Variants in DCT observed in about 807,000 individuals in gnomAD.
DCT encodes the protein L-dopachrome tautomerase.
In DCT, 47 loss-of-function variants were observed where a neutral mutation model predicts 53.0. That is an observed-to-expected ratio of 0.89 (90% CI 0.70 to 1.13). The LOEUF (loss-of-function observed/expected upper bound fraction) is 1.13. Among genes scored for constraint, DCT ranks in the 50% most tolerant of loss-of-function variants. DCT has a pLI of 0.00. For synonymous variants in DCT, 244 were observed against 237.0 expected, an observed-to-expected ratio of 1.03 and a Z score of -0.27; for missense variants, 669 against 637.4, an observed-to-expected ratio of 1.05 and a Z score of -0.53.
At chr13:94,469,591 T>C (rs1209925234) in intron 1 of DCT, among the ~76,000 whole-genome samples, 1 of 152,064 alleles carries the variant, frequency 6.6e-6, no homozygotes, top group Non-Finnish European at 1.5e-5. Context: ...TGAATTTCAG[T>C]GTTTAAGCTG....
In DCT at chr13:94,443,429, T is replaced by C; in HGVS notation, c.1381+7A>G. 4 of 1,605,240 alleles carry C rather than the reference T, an allele frequency of 2.5e-6. No individual in the cohort carries two copies. Among genetic ancestry groups the C allele is most frequent in the Non-Finnish European group, 3.4e-6 (4 of 1,171,974 alleles). On this transcript the variant is annotated splice_region_variant and intron_variant, in intron 7 of 7. Coordinates refer to ENST00000377028, the MANE Select transcript of DCT (RefSeq NM_001922.5). ...TGAATCACCCATTTGGAAGTTGTGT[T>C]AGTTACCTGGCAGATCGATGGCATA...
chr13:94,482,888 C>T (rs1372267100), upstream of DCT, among the ~76,000 whole-genome samples: 8 of 152,282 alleles, frequency 5.3e-5, no homozygotes, highest in Admixed American at 3.3e-4. Context: ...CCATGAACTC[C>T]CCCCTCAGTA....
Position 94,460,423 on chromosome 13 carries a change from C to T in DCT, c.1044-197G>A, listed in dbSNP as rs182410812. Among the ~76,000 whole-genome samples, 124 of 152,308 alleles carry T rather than the reference C, an allele frequency of 8.1e-4. 1 individual carries two copies. Among genetic ancestry groups the T allele is most frequent in the African/African-American group, 2.4e-3 (101 of 41,564 alleles). ...GTAAGGGGAGAGAACTCCTAAGCAA[C>T]GCTATTTCTGAATTATATCTCTTTT... On this transcript the variant is annotated intron_variant, in intron 5 of 7. Transcript: ENST00000377028.
At chr13:94,543,629 C>T in the DCT span, among the ~76,000 whole-genome samples, 11 of 152,210 alleles carry the variant, frequency 7.2e-5, no homozygotes, top group South Asian at 4.1e-4. Flanking sequence ...TTACCCTTAG[C>T]TTCTTTCCTC....
At chr13:94,523,712 C>A in the DCT span, among the ~76,000 whole-genome samples, 1 of 152,162 alleles carries the variant, frequency 6.6e-6, no homozygotes, top group African/African-American at 2.4e-5. Context: ...TGATCAGAGA[C>A]ACTTTTGCCC....
At chr13:94,547,982 AAAATAT>A in the DCT span, among the ~76,000 whole-genome samples, 132 of 84,816 alleles carry the variant, frequency 1.6e-3, no homozygotes, top group African/African-American at 0.011. Context: ...AAAAAAAAAA[AAAATAT>A]ATATATATAT....
At chr13:94,474,142 G>A (rs1457224130) in intron 1 of DCT, among the ~76,000 whole-genome samples, 3 of 151,896 alleles carry the variant, frequency 2.0e-5, no homozygotes, top group African/African-American at 7.3e-5. Flanking sequence ...AATGGAGAGA[G>A]GAAAAAAAAT....
intron 6 of DCT, chr13:94,445,777 A>G: frequency 6.4e-7 from 1 of 1,554,080 alleles, no homozygotes; most frequent in Non-Finnish European, 8.7e-7. Context: ...GAGACACAAA[A>G]TTTAATAGAA....
At chr13:94,459,285 A>T (rs1240204384) in intron 6 of DCT, among the ~76,000 whole-genome samples, 2 of 152,220 alleles carry the variant, frequency 1.3e-5, no homozygotes, top group South Asian at 4.1e-4. Flanking sequence ...AGTCAACAGC[A>T]ATCCTATTTA....
chr13:94,488,794 C>A, the DCT span, among the ~76,000 whole-genome samples: 2 of 150,184 alleles, frequency 1.3e-5, no homozygotes, highest in African/African-American at 4.9e-5. Context: ...TACATATACA[C>A]ACACATATAC....
At chr13:94,512,048 T>C in the DCT span, among the ~76,000 whole-genome samples, 1 of 152,164 alleles carries the variant, frequency 6.6e-6, no homozygotes, top group African/African-American at 2.4e-5. Flanking sequence ...CCTTTTACTT[T>C]GTCTACTCCC....
intron 1 of DCT, among the ~76,000 whole-genome samples, chr13:94,473,644 A>C (rs1427317521): frequency 3.9e-5 from 6 of 152,362 alleles, no homozygotes; most frequent in Non-Finnish European, 7.3e-5. Context: ...ATTAATCCTG[A>C]TTCAGAAAAT....
the DCT span, among the ~76,000 whole-genome samples, chr13:94,546,958 AC>A: frequency 6.6e-6 from 1 of 152,068 alleles, no homozygotes; most frequent in Non-Finnish European, 1.5e-5. This position sits in a 1 kb window ranked among gnomAD's most constrained non-coding sequence, Gnocchi z 4.2. Flanking sequence ...TGTGCATGCG[AC>A]AGCCCACCCC....
chr13:94,540,537 C>G, the DCT span, among the ~76,000 whole-genome samples: 1 of 152,122 alleles, frequency 6.6e-6, no homozygotes, highest in Non-Finnish European at 1.5e-5. Context: ...AAACGCATGG[C>G]CAACAGGTAC....
the DCT span, among the ~76,000 whole-genome samples, chr13:94,540,058 T>G: frequency 6.6e-6 from 1 of 152,132 alleles, no homozygotes; most frequent in African/African-American, 2.4e-5. Flanking sequence ...TCTTTTTCAT[T>G]GTGTACTTCC....
Position 94,479,141 on chromosome 13 carries a change from C to A in DCT, c.115G>T (p.Glu39Ter). Residue 39 changes from glutamate to a stop codon, truncating the protein, a stop_gained, in exon 1 of 8, where the codon GAG (glutamate) becomes TAG (stop). Coordinates refer to ENST00000377028, the MANE Select transcript of DCT (RefSeq NM_001922.5). LOFTEE classifies it high-confidence loss of function. ...CMTVDSLVNK[E>*]CCPRLGAESA... ...TCTGCACCCAGGCGTGGGCAGCACT[C>A]CTTGTTCACTAGGCTGTCCACCGTC... 1.9e-6 allele frequency: 3 copies of A among 1,614,170 alleles called. No homozygotes were observed. Among genetic ancestry groups the A allele is most frequent in the Non-Finnish European group, 2.5e-6 (3 of 1,180,022 alleles).
Position 94,465,782 on chromosome 13 carries a change from C to T in DCT, c.714G>A (p.Glu238=), listed in dbSNP as rs754077356. The T allele has an allele frequency of 1.5e-5, 24 of 1,611,388 alleles. 1 individual carries two copies. In the South Asian group the frequency reaches 2.6e-4, roughly 18 times the overall value. ...ERDLQRLIGN[E]SFALPYWNFA... Reference sequence around the variant, plus strand: ...AGTTCCAGTAGGGCAAAGCAAAAGACTCATTGCCAATGAGTCGCTAAAAGC... The same window carrying T: ...AGTTCCAGTAGGGCAAAGCAAAAGATTCATTGCCAATGAGTCGCTAAAAGC... Residue 238 remains glutamate (E), a synonymous_variant, in exon 4 of 8, where the codon GAG becomes GAA. Transcript: ENST00000377028.
chr13:94,541,210 A>T, the DCT span, among the ~76,000 whole-genome samples: 4 of 152,128 alleles, frequency 2.6e-5, no homozygotes, highest in Non-Finnish European at 5.9e-5. Context: ...TAGGAATAAG[A>T]TCTAGTATTC....
At chr13:94,472,703 TC>T (rs1333217264) in intron 1 of DCT, among the ~76,000 whole-genome samples, 1 of 144,882 alleles carries the variant, frequency 6.9e-6, no homozygotes, top group Non-Finnish European at 1.5e-5. Context: ...TGCCTCAGCC[TC>T]CCTAGTAGCT....
Sources: allele counts gnomAD v4.1 joint callset (sites outside exome capture counted in the v4.1 genomes callset), GRCh38; gene constraint gnomAD v4.1.1; non-coding constraint Gnocchi (gnomAD v3.1); transcripts MANE v1.5; gene names NCBI Gene and HGNC (gene_info 2026-07-23, HGNC 2026-07-21).